The following DYNC1I1 variants were observed in gnomAD, a reference collection of about 807,000 sequenced individuals.
DYNC1I1 encodes cytoplasmic dynein 1 intermediate chain 1.
Under a neutral mutation model 86.6 loss-of-function variants are expected in DYNC1I1, and 43 were observed. That is an observed-to-expected ratio of 0.50 (90% CI 0.39 to 0.64). The LOEUF (loss-of-function observed/expected upper bound fraction) is 0.64, where lower values mean the gene tolerates loss of function less well. Ranked by LOEUF, DYNC1I1 falls within the 30% of genes least tolerant of loss-of-function variation. The pLI is 0.00. For synonymous variants in DYNC1I1, 262 were observed against 283.7 expected, an observed-to-expected ratio of 0.92 and a Z score of 0.77; for missense variants, 604 against 788.8, an observed-to-expected ratio of 0.77 and a Z score of 2.81.
At chr7:96,026,006 T>TA (rs1179469974) in intron 10 of DYNC1I1, among the ~76,000 whole-genome samples, 1 of 152,046 alleles carries the variant, frequency 6.6e-6, no homozygotes. Context: ...TCTGAAGCTT[T>TA]AAAAAAAAGT....
chr7:95,873,684 T>C (rs546451907), intron 6 of DYNC1I1, among the ~76,000 whole-genome samples: 1 of 152,284 alleles, frequency 6.6e-6, no homozygotes, highest in Admixed American at 6.5e-5. Context: ...AAGGTGAGAT[T>C]GACAAGGGCT....
At chr7:95,957,347 C>T (rs1245252700) in intron 6 of DYNC1I1, among the ~76,000 whole-genome samples, 1 of 152,104 alleles carries the variant, frequency 6.6e-6, no homozygotes. Flanking sequence ...CTTCCTCCAC[C>T]CCACCCCAAC....
At chr7:95,911,442 T>G (rs190581618) in intron 6 of DYNC1I1, among the ~76,000 whole-genome samples, 1 of 151,928 alleles carries the variant, frequency 6.6e-6, no homozygotes, top group Non-Finnish European at 1.5e-5. Context: ...TCTGCTTCAG[T>G]TAAGGGTCAA....
chr7:96,052,497 G>A (rs1789434611), intron 14 of DYNC1I1, among the ~76,000 whole-genome samples: 1 of 152,106 alleles, frequency 6.6e-6, no homozygotes, highest in African/African-American at 2.4e-5. Flanking sequence ...TCTCTAAAAT[G>A]GGGATTAAAA....
At chr7:96,106,433 G>A (rs1408594217) in intron 16 of DYNC1I1, among the ~76,000 whole-genome samples, 3 of 152,054 alleles carry the variant, frequency 2.0e-5, no homozygotes, top group Non-Finnish European at 4.4e-5. Flanking sequence ...TACTCGGGAG[G>A]CTTAGGCAGG....
At chr7:95,996,390 T>C (rs1415356999) in intron 10 of DYNC1I1, among the ~76,000 whole-genome samples, 1 of 152,198 alleles carries the variant, frequency 6.6e-6, no homozygotes, top group East Asian at 1.9e-4. Context: ...AAGCAACATA[T>C]GCTTGCCCAC....
At chr7:96,035,477 G>A (rs1354599211) in intron 12 of DYNC1I1, 142 bp from the exon 13 acceptor site, 2 of 1,118,900 alleles carry the variant, frequency 1.8e-6, no homozygotes, top group South Asian at 2.1e-5. Context: ...GGGCAGTAAA[G>A]CATGGTTTCT....
chr7:96,013,121 A>G (rs537274014), intron 10 of DYNC1I1, among the ~76,000 whole-genome samples: 38 of 152,252 alleles, frequency 2.5e-4, no homozygotes, highest in African/African-American at 8.9e-4. Flanking sequence ...TGTAATCACA[A>G]GGGATCTCAT....
At chr7:95,835,991 A>T (rs1164390045) in intron 5 of DYNC1I1, among the ~76,000 whole-genome samples, 1 of 152,094 alleles carries the variant, frequency 6.6e-6, no homozygotes, top group Non-Finnish European at 1.5e-5. Flanking sequence ...TAATATTCTT[A>T]TGTGTGAATT....
intron 16 of DYNC1I1, among the ~76,000 whole-genome samples, chr7:96,086,829 T>G (rs1253098628): frequency 1.3e-5 from 2 of 152,216 alleles, no homozygotes; most frequent in Non-Finnish European, 2.9e-5. Context: ...GAAAAGTTTA[T>G]TTGTAACGCC....
chr7:95,817,369 C>G (rs1794970582), intron 4 of DYNC1I1, among the ~76,000 whole-genome samples: 1 of 152,064 alleles, frequency 6.6e-6, no homozygotes. Context: ...CAGGTTGATT[C>G]AAGTTTCCAC....
rs116686184 is a variant in DYNC1I1 at position 95,954,019 on chromosome 7, C to T, written c.491-23493C>T. Reference sequence around the variant, plus strand: ...AAAAGGGGTTCCCATGCTCTCCGGTCGTCATTCACTGCTCTGGAAACAGCC... The same window carrying T: ...AAAAGGGGTTCCCATGCTCTCCGGTTGTCATTCACTGCTCTGGAAACAGCC... On this transcript the variant is annotated intron_variant, in intron 6 of 16. Coordinates refer to ENST00000447467, the MANE Select transcript of DYNC1I1 (RefSeq NM_001135556.2). 7.2e-3 allele frequency among the ~76,000 whole-genome samples: 1,092 copies of T among 151,998 alleles called. 9 individuals carry two copies. Among genetic ancestry groups the T allele is most frequent in the African/African-American group, 0.025 (1,044 of 41,428 alleles).
Position 96,035,736 on chromosome 7 carries a change from G to T in DYNC1I1, c.1348G>T (p.Ala450Ser), listed in dbSNP as rs1794913847. Residue 450 changes from alanine to serine, a missense_variant, in exon 13 of 17, where the codon GCT becomes TCT. By Grantham distance (99) the Ala-to-Ser change is moderately conservative. Transcript: ENST00000447467. ...CAGTGAGGAAGGTACAGTCTACACGGCTTGTCGTCATGGAAGGTGATTTTT... is the reference window on the plus strand; with the variant it reads ...CAGTGAGGAAGGTACAGTCTACACGTCTTGTCGTCATGGAAGGTGATTTTT... ...VGSEEGTVYT[A>S]CRHGSKAGIG... 4 of 1,609,654 alleles carry T rather than the reference G, an allele frequency of 2.5e-6. No homozygotes were observed. The highest frequency in any genetic ancestry group is 3.4e-6 in the Non-Finnish European group (4 of 1,178,390).
At chr7:95,872,017 C>T (rs1431324596) in intron 6 of DYNC1I1, among the ~76,000 whole-genome samples, 1 of 152,262 alleles carries the variant, frequency 6.6e-6, no homozygotes, top group African/African-American at 2.4e-5. Flanking sequence ...CCCCTCACCA[C>T]AGGCGATGAT....
Position 96,035,666 on chromosome 7 carries a change from C to T in DYNC1I1, c.1278C>T (p.Thr426=), listed in dbSNP as rs751763978. ...VYNKSKPVAV[T]GMAFPTGDVN... The stretch of plus-strand genomic sequence containing the variant: ...ATAAGTCCAAGCCTGTCGCTGTTAC[C>T]GGAATGGCTTTCCCAACGGGAGACG... Residue 426 remains threonine, a synonymous_variant, in exon 13 of 17, where the codon ACC becomes ACT. Transcript: ENST00000447467. The T allele has an allele frequency of 1.1e-5, 17 of 1,611,422 alleles. No individual in the cohort carries two copies. The highest frequency in any genetic ancestry group is 1.0e-4 in the South Asian group (9 of 90,434).
chr7:96,053,722 C>A (rs1308234792), intron 14 of DYNC1I1, among the ~76,000 whole-genome samples: 1 of 151,230 alleles, frequency 6.6e-6, no homozygotes, highest in Admixed American at 6.6e-5. Flanking sequence ...TAACTTGTTT[C>A]ACAATTTAGT....
chr7:95,884,793 C>CAAA lies in DYNC1I1; in HGVS notation c.490+14806_490+14808dup, dbSNP rs201136452. 1.2e-3 allele frequency among the ~76,000 whole-genome samples: 147 copies of CAAA among 126,526 alleles called. 1 individual carries two copies. The highest frequency in any genetic ancestry group is 6.4e-3 in the Admixed American group (82 of 12,888). 83.0% of individuals were successfully genotyped at this position (126,526 alleles called of 152,430 possible). A position where few individuals can be genotyped will look rare whatever the true frequency, so the allele number is the denominator to read the frequency against. On this transcript the variant is annotated intron_variant, in intron 6 of 16. Transcript: ENST00000447467. ...CCACGAAAAGGAAGAAAAAAAAAGA[C>CAAA]AAAAAAAAAAAAATAAGCGTAATAG...
In DYNC1I1 at chr7:96,028,354, C is replaced by T. The variant is rs181323240; in HGVS notation, c.1116+33C>T. On this transcript the variant is annotated intron_variant, in intron 11 of 16. Transcript: ENST00000447467. ...AAACTTTTGCCATATCCCTGTGAGCCGCCAGGCCCTGAAAGAGAAAATAAC... is the reference window on the plus strand; with the variant it reads ...AAACTTTTGCCATATCCCTGTGAGCTGCCAGGCCCTGAAAGAGAAAATAAC... 53 of 1,554,332 alleles carry T rather than the reference C, an allele frequency of 3.4e-5. No individual in the cohort carries two copies. In the Admixed American group the frequency reaches 5.6e-4, roughly 16 times the overall value.
At chr7:95,799,586 A>G (rs543899387) in intron 1 of DYNC1I1, among the ~76,000 whole-genome samples, 115 of 151,794 alleles carry the variant, frequency 7.6e-4, no homozygotes, top group Non-Finnish European at 1.4e-3. Context: ...AAAATTGAGA[A>G]GTTTTCTTTT....
Sources: gnomAD v4.1 joint callset for allele counts (sites outside exome capture counted in the v4.1 genomes callset) on GRCh38, gnomAD v4.1.1 for gene constraint, MANE v1.5 for transcripts, NCBI Gene and HGNC (gene_info 2026-07-23, HGNC 2026-07-21) for gene names.